CFH: variants seen among roughly 807,000 people sequenced by gnomAD.
CFH encodes H factor 1 (complement).
Under a neutral mutation model 147.3 loss-of-function variants are expected in CFH, and 53 were observed. The observed-to-expected ratio is 0.36, with a 90% confidence interval of 0.29 to 0.45. CFH has a LOEUF of 0.45. Ranked by LOEUF, CFH falls within the 20% of genes least tolerant of loss-of-function variation. The probability of loss-of-function intolerance (pLI) is 1.00; values close to 1 mark genes in which losing one functional copy is unlikely to be tolerated. For missense variants in CFH, 1,380 were observed against 1,498.0 expected (o/e 0.92, Z 1.30); for synonymous variants, 536 against 489.4 (o/e 1.10, Z -1.26).
intron 1 of CFH, among the ~76,000 whole-genome samples, chr1:196,665,413 T>C (rs6689826): frequency 0.042 from 6,294 of 151,116 alleles, 436 homozygotes; most frequent in African/African-American, 0.14. Flanking sequence ...TAATAGTAAG[T>C]TAAAATGACA....
chr1:196,674,702 C>T (rs1466871167), intron 3 of CFH, among the ~76,000 whole-genome samples: 2 of 151,920 alleles, frequency 1.3e-5, no homozygotes, highest in South Asian at 4.1e-4. Context: ...CCCATTTTTT[C>T]CTTAATTTGA....
Position 196,732,545 on chromosome 1 carries a change from C to A in CFH, c.2413+4023C>A, listed in dbSNP as rs543895502. Among the ~76,000 whole-genome samples the A allele has an allele frequency of 3.5e-4, 53 of 152,078 alleles. 1 individual carries two copies. The highest frequency in any genetic ancestry group is 8.8e-5 in the Non-Finnish European group (6 of 67,984). ...TATCTTGTTTCTTTATTTTCTTTAACTCACAGTGTTTCTATGCAATAGATA... is the reference window on the plus strand; with the variant it reads ...TATCTTGTTTCTTTATTTTCTTTAAATCACAGTGTTTCTATGCAATAGATA... On this transcript the variant is annotated intron_variant, in intron 15 of 21. Coordinates refer to ENST00000367429, the MANE Select transcript of CFH (RefSeq NM_000186.4).
intron 7 of CFH, among the ~76,000 whole-genome samples, chr1:196,687,725 T>C (rs1667875487): frequency 6.6e-6 from 1 of 152,008 alleles, no homozygotes; most frequent in Non-Finnish European, 1.5e-5. Context: ...AATCCAATGG[T>C]AAATAGAAAA....
intron 9 of CFH, among the ~76,000 whole-genome samples, chr1:196,695,168 T>C (rs1308150866): frequency 6.6e-6 from 1 of 152,204 alleles, no homozygotes; most frequent in African/African-American, 2.4e-5. Flanking sequence ...TAATACATCA[T>C]GAGTTAATTT....
At chr1:196,689,994 A>G (rs1224053505) in intron 8 of CFH, 69 bp from the exon 9 acceptor site, 6 of 1,414,628 alleles carry the variant, frequency 4.2e-6, no homozygotes, top group Non-Finnish European at 5.8e-6. Flanking sequence ...AAATAATTGT[A>G]ATATACTATT....
At chr1:196,745,405 C>T (rs1652965399) in intron 20 of CFH, among the ~76,000 whole-genome samples, 1 of 152,032 alleles carries the variant, frequency 6.6e-6, no homozygotes, top group South Asian at 2.1e-4. Context: ...ATTTATTTGT[C>T]TGTCAGCTCC....
chr1:196,732,393 C>A (rs1218910274), intron 15 of CFH, among the ~76,000 whole-genome samples: 2 of 151,848 alleles, frequency 1.3e-5, no homozygotes, highest in Non-Finnish European at 2.9e-5. Flanking sequence ...TTTTGCATTG[C>A]TCTCTTGGTC....
At chr1:196,731,269 C>A (rs1004408802) in intron 15 of CFH, among the ~76,000 whole-genome samples, 1 of 151,816 alleles carries the variant, frequency 6.6e-6, no homozygotes, top group African/African-American at 2.4e-5. Flanking sequence ...CTTAGGCTTG[C>A]ATAGCATACC....
chr1:196,723,454 G>C (rs537650875), intron 11 of CFH, among the ~76,000 whole-genome samples: 3 of 152,242 alleles, frequency 2.0e-5, no homozygotes, highest in East Asian at 3.9e-4. Context: ...GGAGGACTAC[G>C]CAGAAAACTA....
chr1:196,694,390 T>C (rs1287205333), intron 9 of CFH, among the ~76,000 whole-genome samples: 1 of 152,172 alleles, frequency 6.6e-6, no homozygotes, highest in Non-Finnish European at 1.5e-5. Flanking sequence ...ACATTTTCTT[T>C]ATCCAGTCTA....
intron 12 of CFH, 55 bp downstream of exon 12, chr1:196,725,352 T>C: frequency 1.9e-6 from 3 of 1,553,782 alleles, no homozygotes; most frequent in Non-Finnish European, 2.7e-6. Flanking sequence ...GAATACCAAC[T>C]TTTTTCTTAT....
chr1:196,720,235 G>A (rs1366121768), intron 11 of CFH, among the ~76,000 whole-genome samples: 1 of 151,826 alleles, frequency 6.6e-6, no homozygotes, highest in African/African-American at 2.4e-5. Context: ...AACTTCTTAA[G>A]ATATTTCCAT....
rs1317403430 is a variant in CFH, at chr1:196,673,869, G to A, written c.257G>A (p.Gly86Glu). 6.2e-7 allele frequency: 1 copy of A among 1,612,112 alleles called. No individual in the cohort carries two copies. The highest frequency in any genetic ancestry group is 2.2e-5 in the East Asian group (1 of 44,732). The change falls in exon 3 of 22, where the codon GGA becomes GAA. Residue 86 changes from glycine (G) to glutamate (E), a missense_variant. Gly to Glu is a moderately conservative substitution (Grantham distance 98). This residue lies in a region of CFH where 260 missense variants were observed against 263.3 expected (regional missense o/e 0.99). Transcript: ENST00000367429. The part of the protein sequence containing the change: ...PLRKCQKRPC[G>E]HPGDTPFGTF... ...TTTTTCGTTTTAGAAAGGCCCTGTG[G>A]ACATCCTGGAGATACTCCTTTTGGT... is the stretch of plus-strand genomic sequence containing the variant.
chr1:196,699,492 T>C (rs1668388612), intron 9 of CFH, among the ~76,000 whole-genome samples: 1 of 152,222 alleles, frequency 6.6e-6, no homozygotes, highest in Admixed American at 6.6e-5. Flanking sequence ...TAGCTTTACT[T>C]TTCTCTCTAA....
chr1:196,700,966 G>T (rs1051134764), intron 9 of CFH: 1 of 605,246 alleles, frequency 1.7e-6, no homozygotes, highest in African/African-American at 2.0e-5. Context: ...TCGTCTTAGA[G>T]GTCTTGTGGC....
intron 21 of CFH, among the ~76,000 whole-genome samples, chr1:196,746,522 T>TA (rs1201518678): frequency 6.6e-6 from 1 of 152,224 alleles, no homozygotes; most frequent in African/African-American, 2.4e-5. Context: ...AGTTGACAAA[T>TA]AAAAATATAT....
At chr1:196,740,912 G>A (rs1480471442) in intron 18 of CFH, 120 bp downstream of exon 18, 2 of 1,008,120 alleles carry the variant, frequency 2.0e-6, no homozygotes, top group Non-Finnish European at 3.1e-6. Flanking sequence ...TGAATATTCT[G>A]GACTGCTGTG....
rs190947900 is a variant in CFH at position 196,715,852 on chromosome 1, G to A, written c.1696+83G>A. On this transcript the variant is annotated intron_variant, in intron 11 of 21. Coordinates refer to ENST00000367429, the MANE Select transcript of CFH (RefSeq NM_000186.4). ...TTTTAAAAATTTGAATTATATAGAG[G>A]AATTGTTAAGGAATGTTGATTAAAA... 5.2e-4 allele frequency: 587 copies of A among 1,121,714 alleles called. 4 individuals are homozygous for A. In the African/African-American group the frequency reaches 7.7e-3, roughly 15 times the overall value. 69.5% of individuals were successfully genotyped at this position (1,121,714 alleles called of 1,614,324 possible). A position where few individuals can be genotyped will look rare whatever the true frequency, so the allele number is the denominator to read the frequency against.
At chr1:196,714,816 T>G (rs1408375901) in intron 10 of CFH, among the ~76,000 whole-genome samples, 1 of 149,694 alleles carries the variant, frequency 6.7e-6, no homozygotes, top group South Asian at 2.1e-4. Context: ...TTCTCCTACC[T>G]CAGCCTCCTG....
Sources: gnomAD v4.1 joint callset for allele counts (sites outside exome capture counted in the v4.1 genomes callset) on GRCh38, gnomAD v4.1.1 for gene constraint, gnomAD v4.1.1 regional missense constraint, MANE v1.5 for transcripts, NCBI Gene and HGNC (gene_info 2026-07-23, HGNC 2026-07-21) for gene names.